GAS7: variants seen among roughly 807,000 people sequenced by gnomAD.
The protein encoded by GAS7 is growth arrest specific 7, also known as growth arrest-specific protein 7.
Under a neutral mutation model 71.1 loss-of-function variants are expected in GAS7, and 28 were observed. The ratio of observed to expected loss-of-function variants is 0.39; its 90% CI spans 0.29 to 0.54. The LOEUF (loss-of-function observed/expected upper bound fraction) is 0.54. Among genes scored for constraint, GAS7 ranks in the 20% least tolerant of loss-of-function variants. The pLI is 0.62. For missense variants in GAS7, 436 were observed against 627.8 expected (o/e 0.69, Z 3.27); for synonymous variants, 258 against 245.8 (o/e 1.05, Z -0.46).
chr17:10,176,698 G>A (rs1323268463), intron 1 of GAS7, among the ~76,000 whole-genome samples: 1 of 152,152 alleles, frequency 6.6e-6, no homozygotes, highest in Non-Finnish European at 1.5e-5. Flanking sequence ...TGAGGAGAGA[G>A]GACCACTCCA....
At chr17:9,936,325 G>A (rs760814069) in intron 8 of GAS7, among the ~76,000 whole-genome samples, 11 of 152,136 alleles carry the variant, frequency 7.2e-5, no homozygotes, top group East Asian at 1.9e-4. Flanking sequence ...GGCCCCAGGC[G>A]GTGCCCAGAC....
rs180958055 is a variant in GAS7 at position 10,001,542 on chromosome 17, G to A, written c.304+18235C>T. Among the ~76,000 whole-genome samples, 351 of 152,210 alleles carry A rather than the reference G, an allele frequency of 2.3e-3. 1 individual carries two copies. Among genetic ancestry groups the A allele is most frequent in the African/African-American group, 7.8e-3 (322 of 41,536 alleles). On this transcript the variant is annotated intron_variant, in intron 2 of 13. Transcript: ENST00000432992. ...CAGGAGCTGAGCGCTCCCCTGCAGC[G>A]GCCATCAGGGTTGTCTCTCAGGGGA...
chr17:10,131,809 A>G (rs1227010359), intron 1 of GAS7, among the ~76,000 whole-genome samples: 6 of 152,154 alleles, frequency 3.9e-5, no homozygotes, highest in African/African-American at 1.4e-4. Context: ...ATACATAAAT[A>G]GACGGGCTCG....
chr17:10,189,644 T>G (rs961468973), intron 1 of GAS7, among the ~76,000 whole-genome samples: 2 of 152,022 alleles, frequency 1.3e-5, no homozygotes, highest in African/African-American at 4.8e-5. Flanking sequence ...TTCCCCCAAA[T>G]AGTCACATGG....
chr17:10,180,468 G>T (rs2074406185), intron 1 of GAS7, among the ~76,000 whole-genome samples: 1 of 151,970 alleles, frequency 6.6e-6, no homozygotes, highest in Non-Finnish European at 1.5e-5. Flanking sequence ...GCACCAAACT[G>T]CCTGCCAAGA....
At chr17:10,128,820 C>T (rs1034479140) in intron 1 of GAS7, among the ~76,000 whole-genome samples, 5 of 147,502 alleles carry the variant, frequency 3.4e-5, no homozygotes, top group Non-Finnish European at 7.5e-5. Context: ...GGGTTTTCAC[C>T]GTGTTAGCCA....
At chr17:10,007,577 G>C (rs953762608) in intron 2 of GAS7, among the ~76,000 whole-genome samples, 3 of 132,564 alleles carry the variant, frequency 2.3e-5, no homozygotes, top group African/African-American at 8.6e-5. Context: ...AGTGAGCTGA[G>C]ATCGCACCAC....
At chr17:10,087,752 C>G (rs1158489959) in intron 1 of GAS7, among the ~76,000 whole-genome samples, 1 of 152,122 alleles carries the variant, frequency 6.6e-6, no homozygotes, top group East Asian at 1.9e-4. Context: ...TGCTGAATTC[C>G]AAGGCCCTTC....
intron 1 of GAS7, among the ~76,000 whole-genome samples, chr17:10,091,047 T>TAC (rs1395864299): frequency 3.3e-5 from 5 of 152,112 alleles, no homozygotes; most frequent in African/African-American, 4.8e-5. Context: ...CCTCCACCCC[T>TAC]ACCAAGGGCC....
intron 11 of GAS7, 123 bp downstream of exon 11, chr17:9,925,353 A>T (rs1298604033): frequency 1.1e-6 from 1 of 938,612 alleles, no homozygotes; most frequent in East Asian, 2.4e-5. Flanking sequence ...AAACAAGGGA[A>T]GTAATTTCCT....
chr17:10,134,865 G>A (rs1249860855), intron 1 of GAS7, among the ~76,000 whole-genome samples: 1 of 149,170 alleles, frequency 6.7e-6, no homozygotes, highest in African/African-American at 2.5e-5. Flanking sequence ...ACAGTCTCTC[G>A]CCCTATCGCC....
intron 5 of GAS7, among the ~76,000 whole-genome samples, 169 bp from the exon 6 acceptor site, chr17:9,947,152 C>T (rs986192202): frequency 1.2e-4 from 19 of 152,158 alleles, no homozygotes; most frequent in African/African-American, 4.6e-4. Context: ...GCAACAGGTG[C>T]TCACCCCCAC....
chr17:10,069,944 C>G (rs546131307), intron 1 of GAS7, among the ~76,000 whole-genome samples: 1 of 152,154 alleles, frequency 6.6e-6, no homozygotes, highest in South Asian at 2.1e-4. Context: ...TGCCCTCACC[C>G]GGCACCTCCC....
intron 1 of GAS7, among the ~76,000 whole-genome samples, chr17:10,035,641 T>C (rs1008944243): frequency 4.6e-5 from 7 of 152,104 alleles, no homozygotes; most frequent in African/African-American, 1.7e-4. Context: ...AACCTGGACC[T>C]CTCACAGCTG....
intron 1 of GAS7, chr17:10,039,792 C>A (rs1266593035): frequency 2.2e-6 from 1 of 455,282 alleles, no homozygotes; most frequent in East Asian, 7.0e-5. Context: ...ACACAGCCAG[C>A]ATCCTAATGT....
rs7223835 is a variant in GAS7, at chr17:9,986,242, G to C, written c.305-4358C>G. Among the ~76,000 whole-genome samples, 1,458 of 152,282 alleles carry C rather than the reference G, an allele frequency of 9.6e-3. 20 individuals are homozygous for C. The highest frequency in any genetic ancestry group is 0.034 in the African/African-American group (1,413 of 41,556). The stretch of plus-strand genomic sequence containing the variant: ...AAAGGTCCCAGAAAACTTTCCCTTT[G>C]TGCTGCTGCCACCACCCCTTTGGTG... On this transcript the variant is annotated intron_variant, in intron 2 of 13. Transcript: ENST00000432992.
At chr17:9,936,781 T>C (rs2068418385) in intron 8 of GAS7, among the ~76,000 whole-genome samples, 1 of 152,238 alleles carries the variant, frequency 6.6e-6, no homozygotes, top group African/African-American at 2.4e-5. Flanking sequence ...TCAAAATGCA[T>C]GTTGTTTTCA....
intron 1 of GAS7, among the ~76,000 whole-genome samples, chr17:10,081,046 C>T (rs984130598): frequency 6.6e-5 from 10 of 152,174 alleles, no homozygotes; most frequent in Non-Finnish European, 1.5e-4. Flanking sequence ...TGGGCTCTTG[C>T]CTTATAACAA....
intron 2 of GAS7, among the ~76,000 whole-genome samples, chr17:10,004,169 C>G (rs1305211435): frequency 6.6e-6 from 1 of 152,188 alleles, no homozygotes; most frequent in Non-Finnish European, 1.5e-5. Context: ...ATATCCACTT[C>G]AGGAAGCATT....
Sources: allele counts gnomAD v4.1 joint callset (sites outside exome capture counted in the v4.1 genomes callset), GRCh38; gene constraint gnomAD v4.1.1; transcripts MANE v1.5; gene names NCBI Gene and HGNC (gene_info 2026-07-23, HGNC 2026-07-21).